Variants in CBFA2T2 observed in about 807,000 individuals in gnomAD.
CBFA2T2 encodes CBFA2/RUNX1 partner transcriptional co-repressor 2.
CBFA2T2 carries 11 observed loss-of-function variants against 62.2 expected under a neutral mutation model. That is an observed-to-expected ratio of 0.18 (90% confidence interval 0.11 to 0.29). The LOEUF (loss-of-function observed/expected upper bound fraction) is 0.29, where lower values mean the gene tolerates loss of function less well. CBFA2T2 is among the 10% of genes least tolerant of loss of function. CBFA2T2 has a pLI of 1.00. For synonymous variants in CBFA2T2, 295 were observed against 287.5 expected (o/e 1.03, Z -0.27); for missense variants, 592 against 774.1 (o/e 0.76, Z 2.79).
intron 1 of CBFA2T2, among the ~76,000 whole-genome samples, chr20:33,529,310 C>T (rs1273038177): frequency 6.6e-6 from 1 of 152,090 alleles, no homozygotes; most frequent in Non-Finnish European, 1.5e-5. Context: ...CAGGCGTGAG[C>T]CACCGCGCCC....
At chr20:33,545,439 C>CTCTTTCTTTCTTTCTT (rs142619958) in intron 1 of CBFA2T2, among the ~76,000 whole-genome samples, 5,724 of 148,240 alleles carry the variant, frequency 0.039, 162 homozygotes, top group East Asian at 0.1. Context: ...CTCTTTCTTT[C>CTCTTTCTTTCTTTCTT]TCTTTCTTTC....
chr20:33,642,110 TTTTTTTTGTGTGTGTGTGTGTGTGTG>T (rs1198351830), intron 10 of CBFA2T2, among the ~76,000 whole-genome samples: 43 of 77,054 alleles, frequency 5.6e-4, no homozygotes, highest in African/African-American at 3.2e-3. Flanking sequence ...TTTGTCTTTT[TTTTTTTTGTGTGTGTGTGTGTGTGTG>T]TGTGTGTGTG....
chr20:33,527,358 G>A (rs912266472), intron 1 of CBFA2T2, among the ~76,000 whole-genome samples: 1 of 143,754 alleles, frequency 7.0e-6, no homozygotes, highest in Non-Finnish European at 1.5e-5. Context: ...TGTGCCACCA[G>A]GCCCGACTGA....
At chr20:33,599,997 G>A (rs1281254909) in intron 1 of CBFA2T2, among the ~76,000 whole-genome samples, 5 of 152,176 alleles carry the variant, frequency 3.3e-5, no homozygotes, top group South Asian at 4.2e-4. Flanking sequence ...TGAAGCCTGC[G>A]TGTTATTAGG....
At chr20:33,584,446 G>A (rs1162265573) in intron 1 of CBFA2T2, among the ~76,000 whole-genome samples, 3 of 151,326 alleles carry the variant, frequency 2.0e-5, no homozygotes, top group Admixed American at 6.6e-5. Context: ...TAGTAGAGAC[G>A]GGGTTTCACC....
intron 6 of CBFA2T2, among the ~76,000 whole-genome samples, chr20:33,627,568 C>T (rs1340337061): frequency 6.6e-6 from 1 of 152,132 alleles, no homozygotes; most frequent in Non-Finnish European, 1.5e-5. Flanking sequence ...GACCCCTGGG[C>T]TCAAGTGATC....
At position 33,516,866 on chromosome 20, in the gene CBFA2T2, T is replaced by TAAA. The variant is rs1386602623; in HGVS notation, c.34+26565_34+26566insAAA. ...ACACAAAACTATTCTAGAAGATCTT[T>TAAA]GCTTTAAACAGTAGTGAAGACATTT... is the stretch of plus-strand genomic sequence containing the variant. On this transcript the variant is annotated intron_variant, in intron 1 of 10. Transcript: ENST00000342704. 2.4e-4 allele frequency among the ~76,000 whole-genome samples: 36 copies of TAAA among 152,358 alleles called. 1 individual carries two copies. The highest frequency in any genetic ancestry group is 6.3e-4 in the African/African-American group (26 of 41,594).
intron 1 of CBFA2T2, among the ~76,000 whole-genome samples, chr20:33,551,033 A>G (rs950821224): frequency 1.3e-5 from 2 of 152,162 alleles, no homozygotes; most frequent in Non-Finnish European, 2.9e-5. Flanking sequence ...GGGAGCCATA[A>G]GTCTTTAAGT....
intron 6 of CBFA2T2, among the ~76,000 whole-genome samples, chr20:33,627,399 G>A (rs548368207): frequency 2.6e-5 from 4 of 152,010 alleles, no homozygotes; most frequent in Non-Finnish European, 4.4e-5. Flanking sequence ...CCGTCAAGGG[G>A]GGGGAAAAAA....
At chr20:33,579,520 G>T (rs2014007493) in intron 1 of CBFA2T2, among the ~76,000 whole-genome samples, 1 of 149,698 alleles carries the variant, frequency 6.7e-6, no homozygotes, top group South Asian at 2.1e-4. Context: ...GAAATTTTAT[G>T]GTCCGGGGTA....
chr20:33,564,771 G>T (rs2013232886), intron 1 of CBFA2T2, among the ~76,000 whole-genome samples: 1 of 151,620 alleles, frequency 6.6e-6, no homozygotes, highest in Non-Finnish European at 1.5e-5. Context: ...ATACAGGTGG[G>T]GTTTTGCCAT....
chr20:33,519,507 G>T (rs1009966785), intron 1 of CBFA2T2, among the ~76,000 whole-genome samples: 4 of 152,084 alleles, frequency 2.6e-5, no homozygotes, highest in African/African-American at 9.7e-5. Flanking sequence ...GAGTATTAGA[G>T]GTATGGGTAG....
intron 3 of CBFA2T2, among the ~76,000 whole-genome samples, chr20:33,617,448 A>G (rs1471921618): frequency 6.6e-6 from 1 of 152,204 alleles, no homozygotes; most frequent in Non-Finnish European, 1.5e-5. Context: ...TCCCTCTCAT[A>G]CAGGACTGCC....
At chr20:33,583,886 A>C (rs2014231885) in intron 1 of CBFA2T2, among the ~76,000 whole-genome samples, 1 of 151,388 alleles carries the variant, frequency 6.6e-6, no homozygotes, top group Non-Finnish European at 1.5e-5. Context: ...GCATACCTTC[A>C]CCATTGTCAT....
chr20:33,620,584 A>G (rs1412382123), intron 4 of CBFA2T2, among the ~76,000 whole-genome samples: 2 of 152,236 alleles, frequency 1.3e-5, no homozygotes, highest in African/African-American at 2.4e-5. Context: ...TCACGCCTAT[A>G]ATCCATGCAC....
intron 1 of CBFA2T2, among the ~76,000 whole-genome samples, chr20:33,523,345 T>A (rs1330681368): frequency 6.6e-6 from 1 of 152,100 alleles, no homozygotes; most frequent in Non-Finnish European, 1.5e-5. Flanking sequence ...AGTGGTGCAA[T>A]CTTGGCTCAC....
rs934911551 is a variant in CBFA2T2 at position 33,619,143 on chromosome 20, G to A, written c.421-374G>A. ...TAATCCCAACACTTTGGAAGGCTGA[G>A]GGAGGAAGATAGCTTGAGCTCAGGA... On this transcript the variant is annotated intron_variant, in intron 3 of 10. Transcript: ENST00000342704. Among the ~76,000 whole-genome samples, 28 of 152,310 alleles carry A rather than the reference G, an allele frequency of 1.8e-4. 1 individual carries two copies. The East Asian group carries it at 4.6e-3, about 25-fold the overall frequency.
At chr20:33,506,198 A>T (rs2011399985) in intron 1 of CBFA2T2, among the ~76,000 whole-genome samples, 1 of 152,202 alleles carries the variant, frequency 6.6e-6, no homozygotes, top group Non-Finnish European at 1.5e-5. Context: ...GCTTGAGTCC[A>T]GGAGTTTGAG....
Position 33,647,407 on chromosome 20 carries a change from TCTGAGTAGC to T in CBFA2T2, c.*2762_*2770del, listed in dbSNP as rs1407225799. ...TCAAGCGAGTCTCCTGCCTCAGCCTTCTGAGTAGCTGGGATTACAGGCATGCGCCACCAC... is the reference window on the plus strand; with the variant it reads ...TCAAGCGAGTCTCCTGCCTCAGCCTTTGGGATTACAGGCATGCGCCACCAC... On this transcript the variant is annotated 3_prime_UTR_variant, in exon 11 of 11. Coordinates refer to ENST00000342704, the MANE Select transcript of CBFA2T2 (RefSeq NM_001032999.3). 6.6e-6 allele frequency: 1 copy of T among 152,138 alleles called. No individual in the cohort carries two copies. The highest frequency in any genetic ancestry group is 2.4e-5 in the African/African-American group (1 of 41,420). 9.4% of individuals were successfully genotyped at this position (152,138 alleles called of 1,614,324 possible).
Sources: allele counts gnomAD v4.1 joint callset (sites outside exome capture counted in the v4.1 genomes callset), GRCh38; gene constraint gnomAD v4.1.1; transcripts MANE v1.5; gene names NCBI Gene and HGNC (gene_info 2026-07-23, HGNC 2026-07-21).